Variants in GPR149 observed in about 807,000 individuals in gnomAD.
GPR149 encodes the protein G protein-coupled receptor 149, also known as probable G protein-coupled receptor 149.
GPR149 carries 50 observed loss-of-function variants against 50.2 expected under a neutral mutation model. That is an observed-to-expected ratio of 1.00 (90% CI 0.79 to 1.26). GPR149 has a LOEUF of 1.26. Ranked by LOEUF, GPR149 falls within the 50% of genes most tolerant of loss-of-function variation. The pLI is 0.00. For missense variants in GPR149, 983 were observed against 895.4 expected (o/e 1.10, Z -1.25); for synonymous variants, 405 against 358.2 (o/e 1.13, Z -1.48).
intron 3 of GPR149, among the ~76,000 whole-genome samples, chr3:154,369,286 T>C (rs1376205511): frequency 6.6e-6 from 1 of 152,220 alleles, no homozygotes; most frequent in Non-Finnish European, 1.5e-5. Context: ...CAGTATTCCT[T>C]ACAAAATGGA....
intron 2 of GPR149, among the ~76,000 whole-genome samples, chr3:154,422,833 A>G (rs182768576): frequency 6.6e-6 from 1 of 151,958 alleles, no homozygotes; most frequent in Admixed American, 6.6e-5. Flanking sequence ...ATTAAGTTAT[A>G]CTGTTTAACT....
chr3:154,402,611 T>C (rs987426174), intron 3 of GPR149, among the ~76,000 whole-genome samples: 17 of 152,016 alleles, frequency 1.1e-4, no homozygotes, highest in Admixed American at 1.1e-3. Flanking sequence ...AAAAAAAAGC[T>C]GTAAGACCCA....
rs111692908 is a variant in GPR149 at position 154,349,326 on chromosome 3, T to C, written c.1624-11055A>G. Among the ~76,000 whole-genome samples, 699 of 152,260 alleles carry C rather than the reference T, an allele frequency of 4.6e-3. 4 individuals carry two copies. Among genetic ancestry groups the C allele is most frequent in the African/African-American group, 0.016 (655 of 41,558 alleles). On this transcript the variant is annotated intron_variant, in intron 3 of 3. Transcript: ENST00000389740. ...ATTAATGAAACAAAAAGTTATTTTT[T>C]TAACAGATCAATAAAATTGAAAAGC...
At chr3:154,360,179 G>A (rs1216704161) in intron 3 of GPR149, among the ~76,000 whole-genome samples, 2 of 152,224 alleles carry the variant, frequency 1.3e-5, no homozygotes, top group Non-Finnish European at 2.9e-5. Context: ...CAAAATGAGG[G>A]CTGCAAGCAG....
At position 154,428,941 on chromosome 3, in the gene GPR149, G is replaced by C. The variant is rs1465718134; in HGVS notation, c.675C>G (p.Leu225=). The C allele has an allele frequency of 6.2e-7, 1 of 1,613,844 alleles. No individual in the cohort carries two copies. Residue 225 remains leucine (L), a synonymous_variant, in exon 1 of 4, where the codon CTC becomes CTG. Coordinates refer to ENST00000389740, the MANE Select transcript of GPR149 (RefSeq NM_001038705.3). ...RLLCSEEPPR[L]HSNYQEISRG... ...GGGAAATTTCCTGGTAGTTGGAGTG[G>C]AGTCTCGGCGGCTCCTCCGAACACA...
chr3:154,358,932 C>T (rs1714315217), intron 3 of GPR149, among the ~76,000 whole-genome samples: 1 of 152,142 alleles, frequency 6.6e-6, no homozygotes, highest in Non-Finnish European at 1.5e-5. Context: ...ATTACTGCTT[C>T]ATTTTGCTAT....
At chr3:154,397,662 G>C (rs1048887877) in intron 3 of GPR149, among the ~76,000 whole-genome samples, 12 of 151,854 alleles carry the variant, frequency 7.9e-5, no homozygotes, top group Admixed American at 6.6e-5. Flanking sequence ...CTAATTTGTC[G>C]CATTTTCTGA....
intron 3 of GPR149, among the ~76,000 whole-genome samples, chr3:154,361,335 T>C (rs1339191062): frequency 1.3e-5 from 2 of 152,184 alleles, no homozygotes; most frequent in African/African-American, 2.4e-5. Context: ...ACTAGTCTTC[T>C]TATTCCTGGG....
chr3:154,384,773 T>C (rs1559981297), intron 3 of GPR149, among the ~76,000 whole-genome samples: 1 of 152,228 alleles, frequency 6.6e-6, no homozygotes, highest in Non-Finnish European at 1.5e-5. Context: ...TGCCCTTTTG[T>C]AGAATTACTC....
intron 3 of GPR149, among the ~76,000 whole-genome samples, chr3:154,340,116 G>A (rs1161568540): frequency 6.6e-6 from 1 of 151,948 alleles, no homozygotes; most frequent in Non-Finnish European, 1.5e-5. Context: ...TGAATTGAGA[G>A]ACTAGAAAAA....
chr3:154,413,658 A>G (rs571586342), intron 3 of GPR149, among the ~76,000 whole-genome samples: 25 of 151,020 alleles, frequency 1.7e-4, no homozygotes, highest in African/African-American at 6.1e-4. Flanking sequence ...AAAAAAATAG[A>G]TGTTGACAGG....
intron 3 of GPR149, among the ~76,000 whole-genome samples, chr3:154,370,944 G>A (rs1361659996): frequency 6.6e-6 from 1 of 152,124 alleles, no homozygotes; most frequent in Non-Finnish European, 1.5e-5. Context: ...TTATCTACAG[G>A]AATATGGGGA....
chr3:154,364,963 C>G (rs1438154007), intron 3 of GPR149, among the ~76,000 whole-genome samples: 1 of 152,128 alleles, frequency 6.6e-6, no homozygotes, highest in African/African-American at 2.4e-5. Context: ...CTAGGCATTG[C>G]CCTGGTGGGG....
At chr3:154,344,119 C>A (rs1303424536) in intron 3 of GPR149, among the ~76,000 whole-genome samples, 1 of 152,172 alleles carries the variant, frequency 6.6e-6, no homozygotes, top group African/African-American at 2.4e-5. Context: ...ATTTATAGCA[C>A]TCTCAAAGAG....
rs570928721 is a variant in GPR149 at position 154,365,006 on chromosome 3, C to T, written c.1624-26735G>A. Among the ~76,000 whole-genome samples, 14 of 152,318 alleles carry T rather than the reference C, an allele frequency of 9.2e-5. No homozygotes were observed. The South Asian group carries it at 2.9e-3, about 32-fold the overall frequency. On this transcript the variant is annotated intron_variant, in intron 3 of 3. Coordinates refer to ENST00000389740, the MANE Select transcript of GPR149 (RefSeq NM_001038705.3). ...GCAGTGGCCCCACCCCATGACTCTG[C>T]TAGGCATTGCTCTACTGGAGACTCT...
At chr3:154,362,037 G>A (rs1410574801) in intron 3 of GPR149, among the ~76,000 whole-genome samples, 3 of 152,128 alleles carry the variant, frequency 2.0e-5, no homozygotes, top group African/African-American at 7.2e-5. Context: ...GAGAACTACT[G>A]ACTTAGAATA....
At chr3:154,361,154 A>G (rs956335329) in intron 3 of GPR149, among the ~76,000 whole-genome samples, 3 of 152,232 alleles carry the variant, frequency 2.0e-5, no homozygotes, top group Non-Finnish European at 4.4e-5. Flanking sequence ...TATTACAAAG[A>G]TTCTTTATAA....
At chr3:154,368,762 C>T (rs1423584592) in intron 3 of GPR149, among the ~76,000 whole-genome samples, 1 of 152,214 alleles carries the variant, frequency 6.6e-6, no homozygotes. Flanking sequence ...TAGAAGACAT[C>T]TACCACCCCT....
chr3:154,378,240 A>G (rs1171371297), intron 3 of GPR149, among the ~76,000 whole-genome samples: 1 of 151,754 alleles, frequency 6.6e-6, no homozygotes, highest in Non-Finnish European at 1.5e-5. Context: ...GCACCACCAC[A>G]CCTGGCTTAT....
Sources: allele counts gnomAD v4.1 joint callset (sites outside exome capture counted in the v4.1 genomes callset), GRCh38; gene constraint gnomAD v4.1.1; transcripts MANE v1.5; gene names NCBI Gene and HGNC (gene_info 2026-07-23, HGNC 2026-07-21).